The following SLC38A8 variants were observed in gnomAD, a reference collection of about 807,000 sequenced individuals.
SLC38A8 encodes solute carrier family 38 member 8, also known as amino acid transporter SLC38A8.
Under a neutral mutation model 46.0 loss-of-function variants are expected in SLC38A8, and 65 were observed. The observed-to-expected ratio is 1.41, with a 90% CI of 1.16 to 1.74. SLC38A8 has a LOEUF of 1.74. Among genes scored for constraint, SLC38A8 ranks in the 40% most tolerant of loss-of-function variants. The pLI, the probability that SLC38A8 is intolerant of heterozygous loss-of-function variation, is 0.00. For missense variants in SLC38A8, 998 were observed against 567.9 expected, an observed-to-expected ratio of 1.76 and a Z score of -7.70; for synonymous variants, 447 against 243.7, an observed-to-expected ratio of 1.83 and a Z score of -7.77.
At chr16:84,018,223 CTTTTTTTTTTTTT>C (rs796178053) in intron 7 of SLC38A8, among the ~76,000 whole-genome samples, 1 of 79,904 alleles carries the variant, frequency 1.3e-5, no homozygotes, top group African/African-American at 6.6e-5. Context: ...GCCCTCATTC[CTTTTTTTTTTTTT>C]TTTTTTTTTT....
At chr16:84,031,384 G>A (rs1318608463) in intron 5 of SLC38A8, among the ~76,000 whole-genome samples, 1 of 152,128 alleles carries the variant, frequency 6.6e-6, no homozygotes, top group Non-Finnish European at 1.5e-5. Context: ...CATCCCTGCT[G>A]TACTCAAAAC....
chr16:84,030,183 A>G (rs570548527), intron 5 of SLC38A8, among the ~76,000 whole-genome samples: 3 of 152,276 alleles, frequency 2.0e-5, no homozygotes, highest in African/African-American at 7.2e-5. Flanking sequence ...TGATCCGTCT[A>G]TCAGCCAAGG....
At chr16:84,020,190 G>C (rs971640612) in intron 7 of SLC38A8, among the ~76,000 whole-genome samples, 7 of 151,374 alleles carry the variant, frequency 4.6e-5, no homozygotes, top group Admixed American at 1.3e-4. Flanking sequence ...ACCCAGGCTG[G>C]AGGGCGGTGG....
chr16:84,016,244 C>A (rs976640786), intron 9 of SLC38A8, among the ~76,000 whole-genome samples: 1 of 152,210 alleles, frequency 6.6e-6, no homozygotes, highest in African/African-American at 2.4e-5. Flanking sequence ...TTGCCCTGCC[C>A]TTCACAGATG....
intron 10 of SLC38A8, among the ~76,000 whole-genome samples, chr16:84,010,987 G>A (rs2084946074): frequency 6.6e-6 from 1 of 152,172 alleles, no homozygotes; most frequent in Non-Finnish European, 1.5e-5. Flanking sequence ...GGGTAGACAA[G>A]GAGGTCAGAG....
intron 10 of SLC38A8, among the ~76,000 whole-genome samples, chr16:84,010,465 G>C (rs915606431): frequency 3.9e-5 from 6 of 152,220 alleles, no homozygotes; most frequent in Non-Finnish European, 7.4e-5. Context: ...TGGGGGCCAG[G>C]CATGGTGGCA....
intron 9 of SLC38A8, among the ~76,000 whole-genome samples, chr16:84,014,887 G>A (rs1252498758): frequency 1.3e-5 from 2 of 151,922 alleles, no homozygotes; most frequent in African/African-American, 2.4e-5. Flanking sequence ...CCCCACCTCC[G>A]GGGTATTGAC....
rs2151114674 is a variant in SLC38A8 at position 84,017,196 on chromosome 16, C to G, written c.897G>C (p.Arg299=). 1.9e-6 allele frequency: 3 copies of G among 1,614,086 alleles called. No individual in the cohort carries two copies. The highest frequency in any genetic ancestry group is 2.2e-5 in the South Asian group (2 of 91,064). ...TTACGATGGAGACAGCAAAAAGGAC[C>G]CGGGCCACAATGATGACCATATCAT... is the stretch of plus-strand genomic sequence containing the variant. ...PGNDMVIIVA[R]VLFAVSIVTV... Residue 299 remains arginine, a synonymous_variant, in exon 8 of 11, where the codon CGG becomes CGC. Transcript: ENST00000299709.
intron 10 of SLC38A8, 55 bp from the exon 11 acceptor site, chr16:84,009,932 CCA>C (rs1334491400): frequency 2.3e-5 from 35 of 1,498,870 alleles, no homozygotes; most frequent in Non-Finnish European, 3.2e-5. Context: ...CACAAATAAG[CCA>C]CACACACATA....
At chr16:84,019,619 G>A (rs574727319) in intron 7 of SLC38A8, among the ~76,000 whole-genome samples, 72 of 152,196 alleles carry the variant, frequency 4.7e-4, no homozygotes, top group Admixed American at 4.1e-3. Context: ...TATCCTCCTC[G>A]CAGATAAATA....
rs774230419 is a variant in SLC38A8, at chr16:84,009,895, C to T, written c.1215-18G>A. On this transcript the variant is annotated intron_variant, in intron 10 of 10. Coordinates refer to ENST00000299709, the MANE Select transcript of SLC38A8 (RefSeq NM_001080442.3). ...GGCAGCACCTGCCAAGTGAATAAAC[C>T]CATGTCAGAGCTTTTCTGGATTTTT... The T allele has an allele frequency of 1.2e-6, 2 of 1,607,520 alleles. No individual in the cohort carries two copies. Among genetic ancestry groups the T allele is most frequent in the African/African-American group, 2.7e-5 (2 of 74,578 alleles).
chr16:84,031,735 G>C, intron 5 of SLC38A8, 132 bp downstream of exon 5: 5 of 749,582 alleles, frequency 6.7e-6, no homozygotes, highest in Non-Finnish European at 1.1e-5. Context: ...CATCAGAGAC[G>C]GAAAGAACTG....
intron 4 of SLC38A8, among the ~76,000 whole-genome samples, chr16:84,032,903 TGGGTG>T (rs2085259564): frequency 2.4e-5 from 2 of 84,140 alleles, no homozygotes; most frequent in South Asian, 3.7e-4. Flanking sequence ...CATGTGTGGG[TGGGTG>T]AGCATGGGTG....
At chr16:84,018,227 T>C (rs1206988934) in intron 7 of SLC38A8, among the ~76,000 whole-genome samples, 1 of 127,142 alleles carries the variant, frequency 7.9e-6, no homozygotes, top group Non-Finnish European at 1.6e-5. Flanking sequence ...TCATTCCTTT[T>C]TTTTTTTTTT....
In SLC38A8 at chr16:84,036,817, C is replaced by T. The variant is rs142779989; in HGVS notation, c.273G>A (p.Val91=). The change falls in exon 3 of 11, where the codon GTG becomes GTA. Residue 91 remains valine (V), a synonymous_variant. Coordinates refer to ENST00000299709, the MANE Select transcript of SLC38A8 (RefSeq NM_001080442.3). The part of the protein sequence containing the change: ...AVSGQATYQG[V]VRGLCGPAIG... ...TGGCAGGGCCACACAGCCCCCTGAC[C>T]ACACCCTGGTAGGTGGCCTGGCCAC... The T allele has an allele frequency of 0.013, 21,267 of 1,614,068 alleles. 175 individuals carry two copies. Among genetic ancestry groups the T allele is most frequent in the Middle Eastern group, 0.016 (94 of 6,004 alleles).
At chr16:84,039,565 T>C (rs1330010726) in intron 2 of SLC38A8, among the ~76,000 whole-genome samples, 1 of 151,954 alleles carries the variant, frequency 6.6e-6, no homozygotes, top group East Asian at 1.9e-4. Context: ...GCCAACACAG[T>C]GAAACCCCAT....
At chr16:84,033,191 A>G (rs993789241) in intron 4 of SLC38A8, 137 bp downstream of exon 4, 28 of 1,163,352 alleles carry the variant, frequency 2.4e-5, no homozygotes, top group African/African-American at 1.1e-4. Context: ...TTTTACTTGT[A>G]TAATTTTTTT....
rs575841192 is a variant in SLC38A8, at chr16:84,012,740, C to T, written c.1214+261G>A. On this transcript the variant is annotated intron_variant, in intron 10 of 10. Coordinates refer to ENST00000299709, the MANE Select transcript of SLC38A8 (RefSeq NM_001080442.3). ...ATGCACCACTGGGTGCTTCCAGAGG[C>T]TGGAATCTACATGAAATCCCAACCA... Among the ~76,000 whole-genome samples, 15 of 152,330 alleles carry T rather than the reference C, an allele frequency of 9.8e-5. No individual in the cohort carries two copies. In the South Asian group the frequency reaches 3.1e-3, roughly 32 times the overall value.
At chr16:84,017,922 G>C (rs928981824) in intron 7 of SLC38A8, among the ~76,000 whole-genome samples, 6 of 152,160 alleles carry the variant, frequency 3.9e-5, no homozygotes, top group African/African-American at 1.4e-4. Context: ...CTGAATCACT[G>C]AGTCACACCC....
Sources: allele counts gnomAD v4.1 joint callset (sites outside exome capture counted in the v4.1 genomes callset), GRCh38; gene constraint gnomAD v4.1.1; transcripts MANE v1.5; gene names NCBI Gene and HGNC (gene_info 2026-07-23, HGNC 2026-07-21).